Variants in GLRX2 observed in about 807,000 individuals in gnomAD.
GLRX2 encodes the protein glutaredoxin 2.
GLRX2 carries 12 observed loss-of-function variants against 16.4 expected under a neutral mutation model. The ratio of observed to expected loss-of-function variants is 0.73; its 90% CI spans 0.47 to 1.19. The LOEUF (loss-of-function observed/expected upper bound fraction) is 1.19. GLRX2 is among the 50% of genes most tolerant of loss of function. The pLI is 0.00. For missense variants in GLRX2, 201 were observed against 201.8 expected (o/e 1.00, Z 0.02); for synonymous variants, 95 against 76.2 (o/e 1.25, Z -1.28).
intron 2 of GLRX2, 25 bp from the exon 3 acceptor site, chr1:193,097,785 T>G (rs1448129247): frequency 6.6e-7 from 1 of 1,505,968 alleles, no homozygotes; most frequent in African/African-American, 1.4e-5. Context: ...CAAAAAATCA[T>G]TTTAATTCTA....
chr1:193,105,459 C>CAGTTGAAACTGTCCAATGTGGCAGTG, upstream of GLRX2: 3 of 1,449,828 alleles, frequency 2.1e-6, no homozygotes, highest in South Asian at 2.8e-5. Flanking sequence ...CCGGCCCGGC[C>CAGTTGAAACTGTCCAATGTGGCAGTG]CCCGCCTTGC....
At chr1:193,097,886 A>AT (rs1227422028) in intron 2 of GLRX2, 126 bp from the exon 3 acceptor site, 14 of 536,604 alleles carry the variant, frequency 2.6e-5, no homozygotes, top group Non-Finnish European at 3.7e-5. Flanking sequence ...AGCATCATCT[A>AT]TTTTTTCTCA....
At chr1:193,104,530 C>T (rs1444856491) in intron 1 of GLRX2, among the ~76,000 whole-genome samples, 6 of 152,232 alleles carry the variant, frequency 3.9e-5, no homozygotes, top group Non-Finnish European at 7.3e-5. Flanking sequence ...CTGATAGAAG[C>T]TCCCAGATCA....
At chr1:193,105,174 G>T in intron 1 of GLRX2, 90 bp downstream of exon 1, 1 of 1,433,574 alleles carries the variant, frequency 7.0e-7, no homozygotes, top group South Asian at 1.5e-5. Flanking sequence ...CCGGCGCCGG[G>T]GCAAAGGGGC....
In GLRX2 at chr1:193,105,267, G is replaced by A. The variant is rs1479343839; in HGVS notation, c.116C>T (p.Ser39Phe). The A allele has an allele frequency of 7.2e-6, 11 of 1,533,922 alleles. No individual in the cohort carries two copies. Among genetic ancestry groups the A allele is most frequent in the Non-Finnish European group, 9.6e-6 (11 of 1,149,486 alleles). ...GAAGAAAAAA[S>F]GMESNTSSSL... ...CTCCTGCCCGCTGACCCCGTACCCA[G>A]AGGCCGCAGCTGCCGCAGCTCCCGC... Residue 39 changes from serine to phenylalanine, a missense_variant, in exon 1 of 4, where the codon TCT (serine) becomes TTT (phenylalanine). Physicochemically the swap from Ser to Phe is radical, Grantham distance 155 (BLOSUM62 -2). Transcript: ENST00000367439.
chr1:193,105,722 G>A (rs1189307281), upstream of GLRX2: 4 of 1,457,448 alleles, frequency 2.7e-6, no homozygotes, highest in Non-Finnish European at 3.6e-6. Flanking sequence ...TGAGGATGGT[G>A]GCAGACATGC....
intron 1 of GLRX2, among the ~76,000 whole-genome samples, chr1:193,102,709 T>C: frequency 6.6e-6 from 1 of 152,226 alleles, no homozygotes; most frequent in East Asian, 1.9e-4. Flanking sequence ...CCAGTACATC[T>C]TATCCTTGGA....
At chr1:193,102,633 G>A (rs1200376966) in intron 1 of GLRX2, among the ~76,000 whole-genome samples, 2 of 152,118 alleles carry the variant, frequency 1.3e-5, no homozygotes, top group African/African-American at 2.4e-5. Context: ...GATTACAGGT[G>A]TAAGCCACCG....
Position 193,101,202 on chromosome 1 carries a change from AT to A in GLRX2, c.121del (p.Met41TrpfsTer12). 6.3e-7 allele frequency: 1 copy of A among 1,593,520 alleles called. No individual in the cohort carries two copies. On this transcript the variant is annotated frameshift_variant and splice_region_variant, in exon 2 of 4. Coordinates refer to ENST00000367439, the MANE Select transcript of GLRX2 (RefSeq NM_197962.3). LOFTEE classifies it high-confidence loss of function. ...CAAAGATGATGATGTATTGCTCTCC[AT>A]CCTAAAAGGAATTTAAGAGAACAAT... is the stretch of plus-strand genomic sequence containing the variant. ...AGAAAAAASGMESNTSSSLEN... is the reference protein window; with the variant it reads ...AGAAAAAASGXESNTSSSLEN...
upstream of GLRX2, chr1:193,105,510 C>G: frequency 6.5e-7 from 1 of 1,531,900 alleles, no homozygotes; most frequent in South Asian, 1.2e-5. Flanking sequence ...GCGCCGCCGC[C>G]GGTCACCTCC....
chr1:193,102,824 T>C (rs1675106370), intron 1 of GLRX2, among the ~76,000 whole-genome samples: 1 of 152,010 alleles, frequency 6.6e-6, no homozygotes, highest in South Asian at 2.1e-4. Context: ...CAGAAGAAAA[T>C]AGTTCGTAAG....
intron 2 of GLRX2, among the ~76,000 whole-genome samples, chr1:193,100,301 C>T (rs1202063039): frequency 6.6e-6 from 1 of 152,030 alleles, no homozygotes; most frequent in Non-Finnish European, 1.5e-5. Flanking sequence ...ATGGTGAAAC[C>T]CCATCTCTAC....
At chr1:193,097,534 C>A in intron 3 of GLRX2, 50 bp downstream of exon 3, 1 of 1,386,364 alleles carries the variant, frequency 7.2e-7, no homozygotes, top group South Asian at 1.6e-5. Context: ...TCTGGGTGAT[C>A]TAGTTTACAA....
chr1:193,098,456 C>T (rs930586330), intron 2 of GLRX2, among the ~76,000 whole-genome samples: 4 of 152,126 alleles, frequency 2.6e-5, no homozygotes, highest in African/African-American at 9.7e-5. Flanking sequence ...AGGAGAATCA[C>T]TTGAACCAGG....
upstream of GLRX2, chr1:193,105,458 C>G: frequency 6.9e-7 from 1 of 1,452,150 alleles, no homozygotes; most frequent in Non-Finnish European, 9.0e-7. Flanking sequence ...TCCGGCCCGG[C>G]CCCCGCCTTG....
chr1:193,105,383 G>A lies in GLRX2; in HGVS notation c.-1C>T, dbSNP rs775481966. On this transcript the variant is annotated 5_prime_UTR_variant, in exon 1 of 4. Transcript: ENST00000367439. ...CCAGCGCCGCGCGGCGCCAAATCAT[G>A]GTCAGAGCCCGGATCTGCAGCGAGC... 11 of 1,541,568 alleles carry A rather than the reference G, an allele frequency of 7.1e-6. No individual in the cohort carries two copies. The South Asian group carries it at 9.5e-5, about 13-fold the overall frequency.
chr1:193,098,194 G>A (rs1047876026), intron 2 of GLRX2, among the ~76,000 whole-genome samples: 1 of 152,076 alleles, frequency 6.6e-6, no homozygotes, highest in Admixed American at 6.5e-5. Context: ...GGAAGAGCTG[G>A]GATTAGACCC....
intron 1 of GLRX2, 60 bp from the exon 2 acceptor site, chr1:193,101,264 G>T: frequency 9.1e-7 from 1 of 1,101,720 alleles, no homozygotes; most frequent in Non-Finnish European, 1.4e-6. Context: ...TTTATCACGA[G>T]TTTTATTTGA....
chr1:193,105,610 C>G, upstream of GLRX2: 2 of 1,604,938 alleles, frequency 1.2e-6, no homozygotes, highest in Non-Finnish European at 1.7e-6. Context: ...AGGGGAGAAG[C>G]GGCTCACTTG....
Sources: gnomAD v4.1 joint callset for allele counts (sites outside exome capture counted in the v4.1 genomes callset) on GRCh38, gnomAD v4.1.1 for gene constraint, MANE v1.5 for transcripts, NCBI Gene and HGNC (gene_info 2026-07-23, HGNC 2026-07-21) for gene names.